The following DDC variants were observed in gnomAD, a reference collection of about 807,000 sequenced individuals.
DDC encodes dopa decarboxylase, also known as aromatic-L-amino-acid decarboxylase.
In DDC, 43 loss-of-function variants were observed where a neutral mutation model predicts 60.0. The ratio of observed to expected loss-of-function variants is 0.72; its 90% confidence interval spans 0.56 to 0.92. DDC has a LOEUF of 0.92. Among genes scored for constraint, DDC ranks in the 40% least tolerant of loss-of-function variants. DDC has a pLI of 0.00. For synonymous variants in DDC, 232 were observed against 234.6 expected (o/e 0.99, Z 0.10); for missense variants, 573 against 620.2 (o/e 0.92, Z 0.81).
At chr7:50,556,190 A>G (rs1319766095) in intron 1 of DDC, among the ~76,000 whole-genome samples, 8 of 152,220 alleles carry the variant, frequency 5.3e-5, no homozygotes, top group Non-Finnish European at 1.0e-4. Flanking sequence ...CCTTTGGGCT[A>G]CTATAAAAAG....
chr7:50,482,076 G>A (rs1264283096), intron 9 of DDC, among the ~76,000 whole-genome samples: 6 of 152,138 alleles, frequency 3.9e-5, no homozygotes, highest in Admixed American at 3.9e-4. Context: ...AGCGCCCGTC[G>A]GCCATGCATC....
At chr7:50,536,141 A>AAGTC (rs1346536473) in intron 4 of DDC, among the ~76,000 whole-genome samples, 76 of 152,278 alleles carry the variant, frequency 5.0e-4, no homozygotes, top group Non-Finnish European at 1.2e-4. Context: ...ACAGAACTCA[A>AAGTC]AGTCACCCCT....
intron 6 of DDC, among the ~76,000 whole-genome samples, chr7:50,517,839 A>C (rs1045535024): frequency 5.9e-5 from 9 of 151,538 alleles, no homozygotes; most frequent in Non-Finnish European, 1.2e-4. Context: ...AAAAAAAAAA[A>C]AAAAAAACCT....
chr7:50,513,166 T>A (rs547081273), intron 6 of DDC, among the ~76,000 whole-genome samples: 1 of 152,184 alleles, frequency 6.6e-6, no homozygotes. Context: ...GTGCCCCAGC[T>A]GCAGAAGCGG....
chr7:50,481,470 C>T (rs2042767102), intron 9 of DDC, among the ~76,000 whole-genome samples: 2 of 152,166 alleles, frequency 1.3e-5, no homozygotes, highest in Non-Finnish European at 2.9e-5. Context: ...ATCAGTAGAA[C>T]TCTGCCCTTT....
rs140706841 is a variant in DDC at position 50,513,487 on chromosome 7, C to T, written c.715-9428G>A. Among the ~76,000 whole-genome samples the T allele has an allele frequency of 2.4e-4, 36 of 152,280 alleles. No individual in the cohort carries two copies. The East Asian group carries it at 4.2e-3, about 18-fold the overall frequency. On this transcript the variant is annotated intron_variant, in intron 6 of 14. Transcript: ENST00000444124. Reference sequence around the variant, plus strand: ...GATGAGAAGCCTCCTGGCCAGAACTCGGGGACGGTGCAAATCCGGTGTGCA... The same window carrying T: ...GATGAGAAGCCTCCTGGCCAGAACTTGGGGACGGTGCAAATCCGGTGTGCA...
intron 6 of DDC, among the ~76,000 whole-genome samples, chr7:50,506,710 G>A (rs894096527): frequency 1.3e-5 from 2 of 152,256 alleles, no homozygotes; most frequent in Non-Finnish European, 2.9e-5. Context: ...CCAACTCCAT[G>A]TCACATTGGC....
At chr7:50,508,494 T>C (rs2153541435) in intron 6 of DDC, among the ~76,000 whole-genome samples, 1 of 152,316 alleles carries the variant, frequency 6.6e-6, no homozygotes, top group East Asian at 1.9e-4. Context: ...TCGCCCTCTG[T>C]GGCCCGACCT....
intron 14 of DDC, among the ~76,000 whole-genome samples, chr7:50,459,848 G>T (rs78888611): frequency 1.6e-4 from 22 of 139,328 alleles, no homozygotes; most frequent in African/African-American, 4.5e-4. Flanking sequence ...ATCAGCCCCC[G>T]GCCCGGCCAG....
intron 12 of DDC, 79 bp downstream of exon 12, chr7:50,469,994 A>G (rs928964328): frequency 2.5e-5 from 24 of 975,332 alleles, no homozygotes; most frequent in East Asian, 7.4e-5. Context: ...AAAAAAAAAG[A>G]AAAAAAATTT....
At chr7:50,477,004 A>G (rs761895774) in intron 10 of DDC, among the ~76,000 whole-genome samples, 9 of 152,214 alleles carry the variant, frequency 5.9e-5, no homozygotes, top group African/African-American at 9.6e-5. Flanking sequence ...ATGCATGGGA[A>G]GGTGAATTTG....
chr7:50,542,157 A>G (rs2044653897), intron 2 of DDC: 1 of 152,228 alleles, frequency 6.6e-6, no homozygotes, highest in South Asian at 2.1e-4. Flanking sequence ...AAAAACAGTG[A>G]ACTTTCAGGT....
intron 6 of DDC, among the ~76,000 whole-genome samples, chr7:50,508,446 G>A (rs941537865): frequency 6.6e-6 from 1 of 152,150 alleles, no homozygotes; most frequent in Non-Finnish European, 1.5e-5. Context: ...TTGCCCCTTC[G>A]ACTAGCCCTC....
intron 1 of DDC, among the ~76,000 whole-genome samples, chr7:50,560,293 G>A (rs903735774): frequency 1.7e-4 from 26 of 152,196 alleles, no homozygotes; most frequent in African/African-American, 6.3e-4. Context: ...AGAGAAACAA[G>A]CTTGTGGGAA....
intron 1 of DDC, among the ~76,000 whole-genome samples, chr7:50,553,484 CTTTTTTTTTTTT>C (rs5884158): frequency 1.1e-5 from 1 of 90,938 alleles, no homozygotes; most frequent in African/African-American, 4.0e-5. Flanking sequence ...TCTTTCTTTT[CTTTTTTTTTTTT>C]TTTTTTTTGA....
intron 6 of DDC, among the ~76,000 whole-genome samples, chr7:50,506,098 G>A (rs188444362): frequency 2.0e-5 from 3 of 152,182 alleles, no homozygotes; most frequent in Non-Finnish European, 4.4e-5. Context: ...GATTAGGATC[G>A]GCTGGTTTGA....
At chr7:50,514,348 T>A (rs1035575296) in intron 6 of DDC, among the ~76,000 whole-genome samples, 1 of 152,132 alleles carries the variant, frequency 6.6e-6, no homozygotes, top group Non-Finnish European at 1.5e-5. Flanking sequence ...GCCCTAGATA[T>A]TCCCCCTGAC....
intron 1 of DDC, among the ~76,000 whole-genome samples, chr7:50,548,227 T>C (rs912077232): frequency 6.6e-6 from 1 of 152,200 alleles, no homozygotes; most frequent in Admixed American, 6.5e-5. Flanking sequence ...TTAGTAACAC[T>C]GCAATGGCCT....
chr7:50,468,736 C>T (rs749757164), intron 12 of DDC, among the ~76,000 whole-genome samples: 11 of 152,228 alleles, frequency 7.2e-5, no homozygotes, highest in South Asian at 6.2e-4. Context: ...GGGCTGTTAC[C>T]ATCACTAAGG....
Sources: gnomAD v4.1 joint callset for allele counts (sites outside exome capture counted in the v4.1 genomes callset) on GRCh38, gnomAD v4.1.1 for gene constraint, MANE v1.5 for transcripts, NCBI Gene and HGNC (gene_info 2026-07-23, HGNC 2026-07-21) for gene names.